The following WDR70 variants were observed in gnomAD, a reference collection of about 807,000 sequenced individuals.
WDR70 encodes the protein WD repeat domain 70.
Under a neutral mutation model 88.6 loss-of-function variants are expected in WDR70, and 53 were observed. The ratio of observed to expected loss-of-function variants is 0.60; its 90% CI spans 0.48 to 0.75. The LOEUF is 0.75. Among genes scored for constraint, WDR70 ranks in the 30% least tolerant of loss-of-function variants. The probability of loss-of-function intolerance (pLI) is 0.00; values close to 1 mark genes in which losing one functional copy is unlikely to be tolerated. For missense variants in WDR70, 610 were observed against 823.2 expected, an observed-to-expected ratio of 0.74 and a Z score of 3.17; for synonymous variants, 280 against 270.0, an observed-to-expected ratio of 1.04 and a Z score of -0.36.
At chr5:37,383,909 C>CA (rs1048906384) in intron 3 of WDR70, among the ~76,000 whole-genome samples, 1 of 152,098 alleles carries the variant, frequency 6.6e-6, no homozygotes, top group Non-Finnish European at 1.5e-5. Context: ...TGTGAAATTT[C>CA]AAACACGGAA....
chr5:37,732,960 A>AT (rs552136162), intron 17 of WDR70, among the ~76,000 whole-genome samples: 10 of 151,226 alleles, frequency 6.6e-5, no homozygotes, highest in East Asian at 1.9e-4. Flanking sequence ...ACTTTTATGG[A>AT]TTTTTTTTTA....
At chr5:37,670,136 G>A (rs571292214) in intron 10 of WDR70, among the ~76,000 whole-genome samples, 1 of 152,230 alleles carries the variant, frequency 6.6e-6, no homozygotes, top group South Asian at 2.1e-4. Flanking sequence ...TACTGAAAAC[G>A]TTGAACTACA....
chr5:37,705,443 C>T (rs923632208), intron 13 of WDR70, among the ~76,000 whole-genome samples: 1 of 152,044 alleles, frequency 6.6e-6, no homozygotes, highest in South Asian at 2.1e-4. Flanking sequence ...GAAGAGAGAA[C>T]TTCAAATAGG....
At chr5:37,670,229 G>C (rs958307880) in intron 10 of WDR70, among the ~76,000 whole-genome samples, 1 of 150,992 alleles carries the variant, frequency 6.6e-6, no homozygotes, top group Non-Finnish European at 1.5e-5. Flanking sequence ...AAAAGGGGGA[G>C]TATATGCTGA....
intron 9 of WDR70, among the ~76,000 whole-genome samples, chr5:37,523,884 T>C (rs927050968): frequency 1.3e-5 from 2 of 152,138 alleles, no homozygotes; most frequent in South Asian, 2.1e-4. Flanking sequence ...GTATCAGTGA[T>C]TGAAGATCAA....
At position 37,739,483 on chromosome 5, in the gene WDR70, G is replaced by A. The variant is rs1158879615; in HGVS notation, c.1877+12438G>A. 2.0e-5 allele frequency among the ~76,000 whole-genome samples: 3 copies of A among 152,212 alleles called. No individual in the cohort carries two copies. The East Asian group carries it at 5.8e-4, about 29-fold the overall frequency. ...AAAATTCTGAAAGAATTGTTAGCTAGAAGACACAGAATGGGTAGGTGACAG... is the reference window on the plus strand; with the variant it reads ...AAAATTCTGAAAGAATTGTTAGCTAAAAGACACAGAATGGGTAGGTGACAG... On this transcript the variant is annotated intron_variant, in intron 17 of 17. Transcript: ENST00000265107.
chr5:37,530,774 T>G (rs1368989635), intron 9 of WDR70, among the ~76,000 whole-genome samples: 1 of 74,032 alleles, frequency 1.4e-5, no homozygotes, highest in South Asian at 4.2e-4. Context: ...TTATCTTTTG[T>G]TTTTTTTTTT....
chr5:37,553,193 T>C (rs1196939275), intron 9 of WDR70, among the ~76,000 whole-genome samples: 1 of 152,192 alleles, frequency 6.6e-6, no homozygotes, highest in Non-Finnish European at 1.5e-5. Context: ...TTATGAGTGT[T>C]GTGATCCGGG....
intron 10 of WDR70, among the ~76,000 whole-genome samples, chr5:37,620,898 C>T (rs1225403732): frequency 6.6e-6 from 1 of 152,112 alleles, no homozygotes; most frequent in Non-Finnish European, 1.5e-5. Flanking sequence ...CAGAGGTCAT[C>T]ATGAACACAG....
intron 5 of WDR70, among the ~76,000 whole-genome samples, chr5:37,417,725 T>G (rs754032663): frequency 3.3e-5 from 5 of 152,122 alleles, no homozygotes; most frequent in Admixed American, 2.6e-4. Flanking sequence ...TACCTTATTC[T>G]TTGTAGAGGT....
rs1741674762 is a variant in WDR70, at chr5:37,536,656, T to C, written c.917+20066T>C. 2.0e-5 allele frequency among the ~76,000 whole-genome samples: 3 copies of C among 152,146 alleles called. No homozygotes were observed. In the South Asian group the frequency reaches 6.2e-4, roughly 32 times the overall value. ...TCATCAAATGGTTTTTCCTAATATT[T>C]GATGTAATCTTGCTGTTGTTTTTCT... On this transcript the variant is annotated intron_variant, in intron 9 of 17. Transcript: ENST00000265107.
At chr5:37,663,234 A>G (rs115895734) in intron 10 of WDR70, among the ~76,000 whole-genome samples, 2 of 152,362 alleles carry the variant, frequency 1.3e-5, no homozygotes, top group Non-Finnish European at 2.9e-5. Context: ...GTTGCATTAT[A>G]CTGACTGCGG....
chr5:37,444,336 CTTTTT>C (rs70978817), intron 7 of WDR70, among the ~76,000 whole-genome samples: 3 of 94,202 alleles, frequency 3.2e-5, no homozygotes, highest in African/African-American at 1.2e-4. Context: ...CAGCCTTTCT[CTTTTT>C]TTTTTTTTTT....
At chr5:37,492,664 T>G (rs561368514) in intron 8 of WDR70, among the ~76,000 whole-genome samples, 1 of 152,268 alleles carries the variant, frequency 6.6e-6, no homozygotes, top group South Asian at 2.1e-4. Flanking sequence ...CCAGAACTTG[T>G]GAATGATGAA....
intron 10 of WDR70, among the ~76,000 whole-genome samples, chr5:37,630,721 A>G (rs999682219): frequency 3.3e-5 from 5 of 152,172 alleles, no homozygotes; most frequent in Non-Finnish European, 7.4e-5. Context: ...TATATAATGT[A>G]TGGACTTGGC....
chr5:37,718,658 G>A (rs912098056), intron 13 of WDR70, among the ~76,000 whole-genome samples: 1 of 152,112 alleles, frequency 6.6e-6, no homozygotes, highest in Non-Finnish European at 1.5e-5. Context: ...GTATAATAAT[G>A]ATATGAGGAA....
At chr5:37,613,065 T>A (rs1581435766) in intron 10 of WDR70, among the ~76,000 whole-genome samples, 1 of 152,228 alleles carries the variant, frequency 6.6e-6, no homozygotes, top group Non-Finnish European at 1.5e-5. Flanking sequence ...AATAATGCTC[T>A]TATAAAATGC....
chr5:37,516,478 A>T (rs1216936880), intron 8 of WDR70, 36 bp from the exon 9 acceptor site: 1 of 1,393,650 alleles, frequency 7.2e-7, no homozygotes, highest in Non-Finnish European at 1.0e-6. Flanking sequence ...TACCTTTTTA[A>T]AACATCTTTT....
At chr5:37,509,819 C>T (rs1740666791) in intron 8 of WDR70, among the ~76,000 whole-genome samples, 1 of 142,904 alleles carries the variant, frequency 7.0e-6, no homozygotes, top group Non-Finnish European at 1.5e-5. Context: ...AACAGACTTT[C>T]CTTCACTGGG....
Sources: allele counts gnomAD v4.1 joint callset (sites outside exome capture counted in the v4.1 genomes callset), GRCh38; gene constraint gnomAD v4.1.1; transcripts MANE v1.5; gene names NCBI Gene and HGNC (gene_info 2026-07-23, HGNC 2026-07-21).